The following MCF2L variants were observed in gnomAD, a reference collection of about 807,000 sequenced individuals.
MCF2L encodes MCF.2 cell line derived transforming sequence like.
In MCF2L, 97 loss-of-function variants were observed where a neutral mutation model predicts 153.4. The ratio of observed to expected loss-of-function variants is 0.63; its 90% CI spans 0.54 to 0.75. The LOEUF is 0.75. MCF2L is among the 30% of genes least tolerant of loss of function. The pLI is 0.00. For synonymous variants in MCF2L, 659 were observed against 632.2 expected (o/e 1.04, Z -0.64); for missense variants, 1,347 against 1,495.2 (o/e 0.90, Z 1.64).
At chr13:112,967,308 T>C (rs930491363), upstream of MCF2L, among the ~76,000 whole-genome samples, 5 of 151,914 alleles carry the variant, frequency 3.3e-5, no homozygotes, top group South Asian at 4.2e-4. Flanking sequence ...TGTGCCGCCG[T>C]AGGCACCCTG....
In MCF2L at chr13:113,074,662, C is replaced by T. The variant is rs549152775; in HGVS notation, c.1116+99C>T. On this transcript the variant is annotated intron_variant, in intron 10 of 29. Transcript: ENST00000535094. This position sits in a 1 kb window ranked among gnomAD's most constrained non-coding sequence, Gnocchi z 4.2. ...GAATGGGCCTCCCGCCTACGGAGAA[C>T]GGACCCCACAGCCCCCCGGGGATGT... 154 of 1,530,284 alleles carry T rather than the reference C, an allele frequency of 1.0e-4. No homozygotes were observed. The highest frequency in any genetic ancestry group is 1.9e-4 in the East Asian group (8 of 43,072). 94.8% of individuals were successfully genotyped at this position (1,530,284 alleles called of 1,614,324 possible).
intron 2 of MCF2L, among the ~76,000 whole-genome samples, chr13:113,021,720 G>A (rs761036686): frequency 1.2e-4 from 18 of 152,216 alleles, no homozygotes; most frequent in Admixed American, 2.6e-4. Flanking sequence ...CCCCAGCTCC[G>A]CGTCCAGCGG....
At chr13:112,902,166 C>A (rs751329917) in intron 1 of MCF2L, 5 of 1,575,158 alleles carry the variant, frequency 3.2e-6, no homozygotes, top group Non-Finnish European at 4.4e-6. Context: ...TGCAGCATGA[C>A]CTCATCGTGC....
At chr13:112,895,473 C>T (rs1336948544) in intron 1 of MCF2L, among the ~76,000 whole-genome samples, 1 of 152,066 alleles carries the variant, frequency 6.6e-6, no homozygotes, top group African/African-American at 2.4e-5. Context: ...GCAGGAGACC[C>T]ACATGGCCAG....
At chr13:112,930,048 C>G (rs2081445927) in intron 2 of MCF2L, among the ~76,000 whole-genome samples, 1 of 152,202 alleles carries the variant, frequency 6.6e-6, no homozygotes, top group Non-Finnish European at 1.5e-5. Flanking sequence ...TTCCACAAAA[C>G]CTCACAACGC....
At chr13:113,001,899 G>C (rs750625701) in intron 1 of MCF2L, 9 of 1,589,302 alleles carry the variant, frequency 5.7e-6, no homozygotes, top group Non-Finnish European at 7.7e-6. Flanking sequence ...CTCCTGACTC[G>C]CACTGGGCAG....
chr13:112,934,705 C>T (rs1314337382), intron 2 of MCF2L, among the ~76,000 whole-genome samples: 3 of 152,190 alleles, frequency 2.0e-5, no homozygotes, highest in Non-Finnish European at 4.4e-5. Context: ...TAAGAGGTCA[C>T]GTGTGCTGGG....
intron 2 of MCF2L, among the ~76,000 whole-genome samples, chr13:112,918,054 T>C (rs952874412): frequency 6.6e-6 from 1 of 152,250 alleles, no homozygotes; most frequent in African/African-American, 2.4e-5. Flanking sequence ...GGCATAATTA[T>C]TTGAGGATTT....
At chr13:113,010,114 T>G (rs571775613) in intron 1 of MCF2L, 1 of 65,936 alleles carries the variant, frequency 1.5e-5, no homozygotes. Context: ...CCACCCCCCA[T>G]ACCCCCCCCA....
rs754531831 is a variant in MCF2L, at chr13:113,046,196, T to G, written c.369+835T>G. 3.6e-5 allele frequency: 7 copies of G among 193,338 alleles called. No individual in the cohort carries two copies. The highest frequency in any genetic ancestry group is 7.4e-5 in the Non-Finnish European group (7 of 95,082). 12.0% of individuals were successfully genotyped at this position (193,338 alleles called of 1,614,324 possible). On this transcript the variant is annotated intron_variant, in intron 4 of 29. Transcript: ENST00000535094. The surrounding 1 kb of genome is among the most constrained non-coding windows in gnomAD (Gnocchi z 4.4). ...GTATGCATGACCCCGGCATGGAGCA[T>G]TTTTCACCCACGCTCGCTCTCCCCG...
At chr13:112,946,231 C>G (rs2081635860) in intron 2 of MCF2L, among the ~76,000 whole-genome samples, 1 of 151,780 alleles carries the variant, frequency 6.6e-6, no homozygotes, top group Non-Finnish European at 1.5e-5. Flanking sequence ...CTAAAACTAT[C>G]CAAGATCCTC....
At chr13:112,908,448 G>C (rs1025626094) in intron 2 of MCF2L, among the ~76,000 whole-genome samples, 1 of 152,180 alleles carries the variant, frequency 6.6e-6, no homozygotes, top group African/African-American at 2.4e-5. Flanking sequence ...AGACTCCTCA[G>C]GTGAACGGAA....
intron 16 of MCF2L, 43 bp from the exon 17 acceptor site, chr13:113,082,384 A>G (rs1566864178): frequency 3.3e-6 from 4 of 1,203,520 alleles, no homozygotes; most frequent in African/African-American, 1.5e-5. Context: ...CCCCCACAGC[A>G]TCAGGCCCAG....
At chr13:113,002,071 G>A in intron 1 of MCF2L, 1 of 1,382,028 alleles carries the variant, frequency 7.2e-7, no homozygotes, top group Non-Finnish European at 9.4e-7. Flanking sequence ...GGACGTTCTG[G>A]GCCCAGCCCT....
rs758631461 is a variant in MCF2L at position 113,087,694 on chromosome 13, T to A, written c.2596-13T>A. 1.2e-6 allele frequency: 2 copies of A among 1,609,630 alleles called. No homozygotes were observed. The highest frequency in any genetic ancestry group is 2.2e-5 in the East Asian group (1 of 44,846). Reference sequence around the variant, plus strand: ...CTGTGCACGCGAACCCCATCTCCACTCTCTGCTCGCAGATGGCTGCCGTTG... The same window carrying A: ...CTGTGCACGCGAACCCCATCTCCACACTCTGCTCGCAGATGGCTGCCGTTG... On this transcript the variant is annotated splice_polypyrimidine_tract_variant and intron_variant, in intron 22 of 29. Transcript: ENST00000535094.
intron 1 of MCF2L, among the ~76,000 whole-genome samples, chr13:113,000,952 T>C (rs1377835539): frequency 2.0e-5 from 3 of 152,156 alleles, no homozygotes; most frequent in African/African-American, 7.2e-5. Flanking sequence ...ACTCCAGCAC[T>C]GGGTGTGATA....
In MCF2L at chr13:112,983,944, G is replaced by A. The variant is rs143632189; in HGVS notation, c.79+14486G>A. 1.0e-3 allele frequency among the ~76,000 whole-genome samples: 155 copies of A among 152,328 alleles called. 1 individual carries two copies. Among genetic ancestry groups the A allele is most frequent in the South Asian group, 1.7e-3 (8 of 4,826 alleles). ...CATGGAGGAGGAGCCTCCTCTGCCC[G>A]GAGGAGACGGTGCTGGGAGAAAATG... is the stretch of plus-strand genomic sequence containing the variant. On this transcript the variant is annotated intron_variant, in intron 1 of 29. Transcript: ENST00000535094. This position sits in a 1 kb window ranked among gnomAD's most constrained non-coding sequence, Gnocchi z 4.0.
chr13:112,997,034 G>A (rs1301249990), intron 1 of MCF2L, among the ~76,000 whole-genome samples: 1 of 152,194 alleles, frequency 6.6e-6, no homozygotes, highest in Non-Finnish European at 1.5e-5. Flanking sequence ...CCAGCCCCGG[G>A]CCGCCCTCGC....
At chr13:112,998,081 C>T (rs1462304899) in intron 1 of MCF2L, among the ~76,000 whole-genome samples, 1 of 152,252 alleles carries the variant, frequency 6.6e-6, no homozygotes, top group Admixed American at 6.5e-5. Flanking sequence ...CTGCTGGGCT[C>T]AAACTGCAGT....
Sources: allele counts gnomAD v4.1 joint callset (sites outside exome capture counted in the v4.1 genomes callset), GRCh38; gene constraint gnomAD v4.1.1; non-coding constraint Gnocchi (gnomAD v3.1); transcripts MANE v1.5; gene names NCBI Gene and HGNC (gene_info 2026-07-23, HGNC 2026-07-21).